The following CAMTA1 variants were observed in gnomAD, a reference collection of about 807,000 sequenced individuals.
CAMTA1 encodes the protein calmodulin binding transcription activator 1.
CAMTA1 carries 27 observed loss-of-function variants against 170.9 expected under a neutral mutation model. That is an observed-to-expected ratio of 0.16 (90% CI 0.12 to 0.22). The LOEUF (loss-of-function observed/expected upper bound fraction) is 0.22, where lower values mean the gene tolerates loss of function less well. Among genes scored for constraint, CAMTA1 ranks in the 10% least tolerant of loss-of-function variants. The pLI, the probability that CAMTA1 is intolerant of heterozygous loss-of-function variation, is 1.00. For missense variants in CAMTA1, 1,619 were observed against 2,217.2 expected, an observed-to-expected ratio of 0.73 and a Z score of 5.42; for synonymous variants, 833 against 891.5, an observed-to-expected ratio of 0.93 and a Z score of 1.17.
At chr1:7,421,665 G>A (rs2091565891) in intron 5 of CAMTA1, among the ~76,000 whole-genome samples, 1 of 152,168 alleles carries the variant, frequency 6.6e-6, no homozygotes, top group African/African-American at 2.4e-5. Flanking sequence ...GATCAGAATG[G>A]CACCTGGCAC....
chr1:7,186,824 C>T (rs755594686), intron 4 of CAMTA1, among the ~76,000 whole-genome samples: 7 of 152,178 alleles, frequency 4.6e-5, no homozygotes, highest in Non-Finnish European at 1.0e-4. Flanking sequence ...GAAATATACA[C>T]CACGCTGGCA....
intron 3 of CAMTA1, among the ~76,000 whole-genome samples, chr1:6,865,869 G>A (rs946166774): frequency 3.3e-5 from 5 of 152,184 alleles, no homozygotes; most frequent in African/African-American, 1.2e-4. Flanking sequence ...TGATTTTAAA[G>A]CCCAGAAAGG....
chr1:7,698,490 A>AG (rs968381755), intron 11 of CAMTA1: 4 of 153,640 alleles, frequency 2.6e-5, no homozygotes, highest in South Asian at 2.1e-4. Context: ...CTGGGGGGCA[A>AG]GGGGGGGTGC....
At chr1:7,709,918 T>G (rs1192346643) in intron 11 of CAMTA1, among the ~76,000 whole-genome samples, 1 of 152,238 alleles carries the variant, frequency 6.6e-6, no homozygotes, top group Non-Finnish European at 1.5e-5. Flanking sequence ...TATGGGAGTG[T>G]GTGTGCTGGC....
chr1:6,908,761 C>T (rs998743964), intron 3 of CAMTA1, among the ~76,000 whole-genome samples: 12 of 152,204 alleles, frequency 7.9e-5, no homozygotes, highest in Admixed American at 2.0e-4. Flanking sequence ...TAGGAGTCTT[C>T]GTGGAAGTGC....
intron 11 of CAMTA1, among the ~76,000 whole-genome samples, chr1:7,715,213 G>A (rs2096599925): frequency 6.6e-6 from 1 of 152,158 alleles, no homozygotes; most frequent in African/African-American, 2.4e-5. Flanking sequence ...CAGGAAAAGG[G>A]GGGAAGAGCA....
chr1:7,737,815 C>A, intron 15 of CAMTA1, 144 bp from the exon 16 acceptor site: 2 of 841,978 alleles, frequency 2.4e-6, no homozygotes, highest in Non-Finnish European at 3.7e-6. Context: ...CTGGTGTATG[C>A]TACTGGGGAT....
In CAMTA1 at chr1:6,959,973, G is replaced by A. The variant is rs116502973; in HGVS notation, c.235-131331G>A. Among the ~76,000 whole-genome samples, 557 of 152,262 alleles carry A rather than the reference G, an allele frequency of 3.7e-3. 5 individuals are homozygous for A. Among genetic ancestry groups the A allele is most frequent in the African/African-American group, 0.012 (488 of 41,540 alleles). The stretch of plus-strand genomic sequence containing the variant: ...ATCCTGCTCTAAACACTGCGTGCCT[G>A]TTCATCATTGTATCCCCATAGCAAC... On this transcript the variant is annotated intron_variant, in intron 3 of 22. Transcript: ENST00000303635.
At chr1:7,021,173 A>T (rs11120817) in intron 3 of CAMTA1, among the ~76,000 whole-genome samples, 42,089 of 152,190 alleles carry the variant, frequency 0.28, 5,926 homozygotes, top group African/African-American at 0.31. Context: ...GCCAAGTGGA[A>T]TCACTCTGCA....
intron 3 of CAMTA1, among the ~76,000 whole-genome samples, chr1:6,902,078 A>AAAAAAAAAC (rs1289084830): frequency 1.2e-4 from 10 of 86,492 alleles, no homozygotes; most frequent in Non-Finnish European, 2.5e-4. Context: ...CACACAAAAA[A>AAAAAAAAAC]AAAAATAAAA....
chr1:7,453,167 C>T (rs1319394539), intron 5 of CAMTA1, among the ~76,000 whole-genome samples: 2 of 152,254 alleles, frequency 1.3e-5, no homozygotes, highest in Non-Finnish European at 2.9e-5. Context: ...CTTTTGGCTT[C>T]GTCCCTGAAG....
chr1:7,183,569 AAC>A (rs1356934668), intron 4 of CAMTA1, among the ~76,000 whole-genome samples: 1 of 152,198 alleles, frequency 6.6e-6, no homozygotes, highest in South Asian at 2.1e-4. Flanking sequence ...TGAATGTCCA[AAC>A]ACAGTGGGGT....
At chr1:7,269,942 C>A (rs988207721) in intron 5 of CAMTA1, among the ~76,000 whole-genome samples, 2 of 152,086 alleles carry the variant, frequency 1.3e-5, no homozygotes, top group Non-Finnish European at 2.9e-5. Flanking sequence ...AAGAGGAAAT[C>A]TTTTAATTAG....
intron 4 of CAMTA1, among the ~76,000 whole-genome samples, chr1:7,149,037 G>A (rs766068716): frequency 2.0e-5 from 3 of 151,480 alleles, no homozygotes; most frequent in Admixed American, 6.5e-5. Context: ...CCCGAGGTAC[G>A]GGGGCCTGGT....
intron 1 of CAMTA1, among the ~76,000 whole-genome samples, chr1:6,799,349 A>G (rs1167006796): frequency 6.6e-6 from 1 of 152,214 alleles, no homozygotes; most frequent in East Asian, 1.9e-4. Flanking sequence ...GCTTACAGGC[A>G]TGAGCCGCTG....
chr1:7,314,776 A>G (rs975312815), intron 5 of CAMTA1, among the ~76,000 whole-genome samples: 2 of 152,198 alleles, frequency 1.3e-5, no homozygotes, highest in Admixed American at 6.5e-5. Flanking sequence ...CCCCTCTGGA[A>G]CATAAAGTCT....
At position 7,438,031 on chromosome 1, in the gene CAMTA1, C is replaced by T. The variant is rs141011747; in HGVS notation, c.439-29799C>T. Among the ~76,000 whole-genome samples, 437 of 152,270 alleles carry T rather than the reference C, an allele frequency of 2.9e-3. 1 individual carries two copies. Among genetic ancestry groups the T allele is most frequent in the African/African-American group, 0.01 (418 of 41,546 alleles). On this transcript the variant is annotated intron_variant, in intron 5 of 22. Transcript: ENST00000303635. ...ACAGAGGGCCTTGCTGAGAGTGGGA[C>T]GTTTGAGCAGAATCTGAAGGAGAGG... is the stretch of plus-strand genomic sequence containing the variant.
At chr1:7,484,730 A>G (rs1378395183) in intron 6 of CAMTA1, among the ~76,000 whole-genome samples, 1 of 152,060 alleles carries the variant, frequency 6.6e-6, no homozygotes, top group Non-Finnish European at 1.5e-5. Flanking sequence ...CGGAGCTTGC[A>G]GTGAGCTGAG....
At chr1:6,989,532 G>T (rs981427884) in intron 3 of CAMTA1, among the ~76,000 whole-genome samples, 1 of 152,070 alleles carries the variant, frequency 6.6e-6, no homozygotes, top group Non-Finnish European at 1.5e-5. Flanking sequence ...GGAATTGAAA[G>T]TTTTTTTTCC....
Sources: allele counts gnomAD v4.1 joint callset (sites outside exome capture counted in the v4.1 genomes callset), GRCh38; gene constraint gnomAD v4.1.1; transcripts MANE v1.5; gene names NCBI Gene and HGNC (gene_info 2026-07-23, HGNC 2026-07-21).